The following CFAP299 variants were observed in gnomAD, a reference collection of about 807,000 sequenced individuals.
The protein encoded by CFAP299 is cilia- and flagella-associated protein 299.
CFAP299 carries 21 observed loss-of-function variants against 27.0 expected under a neutral mutation model. The ratio of observed to expected loss-of-function variants is 0.78; its 90% CI spans 0.55 to 1.12. CFAP299 has a LOEUF of 1.12. Among genes scored for constraint, CFAP299 ranks in the 50% most tolerant of loss-of-function variants. The pLI is 0.00. For synonymous variants in CFAP299, 104 were observed against 98.1 expected (o/e 1.06, Z -0.36); for missense variants, 310 against 276.6 (o/e 1.12, Z -0.86).
intron 3 of CFAP299, among the ~76,000 whole-genome samples, chr4:80,585,347 G>T (rs1031548695): frequency 3.9e-5 from 6 of 152,170 alleles, no homozygotes; most frequent in Non-Finnish European, 5.9e-5. Context: ...AATATGTTCA[G>T]ATGTTAAGAA....
At chr4:80,383,455 A>C (rs577287175) in intron 2 of CFAP299, among the ~76,000 whole-genome samples, 1 of 152,296 alleles carries the variant, frequency 6.6e-6, no homozygotes, top group South Asian at 2.1e-4. Flanking sequence ...TGTAACATCT[A>C]AGATTAATTT....
chr4:80,342,189 C>A (rs1722491534), intron 1 of CFAP299, among the ~76,000 whole-genome samples: 1 of 152,142 alleles, frequency 6.6e-6, no homozygotes, highest in Non-Finnish European at 1.5e-5. Context: ...GAACCTACGA[C>A]TGATTGGGGT....
intron 3 of CFAP299, among the ~76,000 whole-genome samples, chr4:80,626,267 A>G (rs1427474234): frequency 2.6e-5 from 4 of 151,948 alleles, no homozygotes; most frequent in Non-Finnish European, 5.9e-5. Flanking sequence ...GCAAATGGAA[A>G]TGCTCTTGAA....
chr4:80,687,950 T>C (rs1720332452), intron 3 of CFAP299, among the ~76,000 whole-genome samples: 2 of 151,940 alleles, frequency 1.3e-5, no homozygotes, highest in African/African-American at 4.8e-5. Context: ...GAAGAAAGGG[T>C]CACTCCCACC....
At chr4:80,447,769 C>T (rs1345214898) in intron 2 of CFAP299, among the ~76,000 whole-genome samples, 1 of 152,114 alleles carries the variant, frequency 6.6e-6, no homozygotes, top group African/African-American at 2.4e-5. Context: ...TGCAGTTTTA[C>T]TAACAGTCTT....
intron 2 of CFAP299, among the ~76,000 whole-genome samples, chr4:80,447,535 C>T (rs1459271868): frequency 4.6e-5 from 7 of 152,112 alleles, no homozygotes; most frequent in South Asian, 2.1e-4. Context: ...TGGATTCAAG[C>T]GGTTCTCCTG....
At chr4:80,844,231 T>C (rs531767461) in intron 3 of CFAP299, among the ~76,000 whole-genome samples, 2 of 152,324 alleles carry the variant, frequency 1.3e-5, no homozygotes, top group Admixed American at 1.3e-4. Context: ...TATGTGTCTT[T>C]ATAGCAGCAT....
intron 3 of CFAP299, among the ~76,000 whole-genome samples, chr4:80,738,288 A>T (rs928456348): frequency 6.6e-6 from 1 of 151,946 alleles, no homozygotes; most frequent in South Asian, 2.1e-4. Context: ...TTCTTTGTTG[A>T]TTTTCTGTCT....
chr4:80,853,116 C>T (rs972512563), intron 3 of CFAP299, among the ~76,000 whole-genome samples: 4 of 152,094 alleles, frequency 2.6e-5, no homozygotes, highest in South Asian at 4.1e-4. Flanking sequence ...CTGCAACCTC[C>T]GCCTCCAGGA....
chr4:80,362,665 G>C, intron 1 of CFAP299, 89 bp from the exon 2 acceptor site: 1 of 1,329,806 alleles, frequency 7.5e-7, no homozygotes, highest in Non-Finnish European at 1.0e-6. Flanking sequence ...CAATTGCTTG[G>C]TATACATTGC....
At position 80,963,535 on chromosome 4, in the gene CFAP299, T is replaced by C; in HGVS notation, c.625T>C (p.Ser209Pro). 2 of 1,602,444 alleles carry C rather than the reference T, an allele frequency of 1.2e-6. No individual in the cohort carries two copies. The highest frequency in any genetic ancestry group is 1.7e-6 in the Non-Finnish European group (2 of 1,174,590). Residue 209 changes from serine to proline, a missense_variant, in exon 6 of 6, where the codon TCT becomes CCT. Ser to Pro is a moderately conservative substitution (Grantham distance 74, BLOSUM62 -1). Coordinates refer to ENST00000358105, the MANE Select transcript of CFAP299 (RefSeq NM_152770.3). ...ATTTTAGGCGCAGCCAGGTGACAAC[T>C]CTACTAGAATCACTATCCTGACAGA... Reference protein sequence around the residue: ...VDPKAQPGDNSTRITILTELY... With the variant: ...VDPKAQPGDNPTRITILTELY...
chr4:80,848,470 T>C (rs973925650), intron 3 of CFAP299, among the ~76,000 whole-genome samples: 1 of 152,108 alleles, frequency 6.6e-6, no homozygotes, highest in African/African-American at 2.4e-5. Flanking sequence ...TGTAACACAG[T>C]GGTAAGTATT....
chr4:80,608,054 A>G (rs1737768997), intron 3 of CFAP299, among the ~76,000 whole-genome samples: 1 of 152,050 alleles, frequency 6.6e-6, no homozygotes. Flanking sequence ...TTCTTTTTCA[A>G]TTTTACTACT....
chr4:80,628,991 C>T (rs910332517), intron 3 of CFAP299, among the ~76,000 whole-genome samples: 10 of 152,074 alleles, frequency 6.6e-5, no homozygotes, highest in African/African-American at 2.4e-4. Flanking sequence ...GAAATGAAAT[C>T]AGTATGTTGA....
chr4:80,503,965 G>A (rs1731867439), intron 2 of CFAP299, among the ~76,000 whole-genome samples: 1 of 152,098 alleles, frequency 6.6e-6, no homozygotes, highest in Non-Finnish European at 1.5e-5. Context: ...AGGAGGTAGA[G>A]ATGAATTTAT....
intron 2 of CFAP299, among the ~76,000 whole-genome samples, chr4:80,428,990 A>G (rs1304679539): frequency 6.6e-6 from 1 of 152,220 alleles, no homozygotes; most frequent in East Asian, 1.9e-4. Context: ...AGATTTTTAG[A>G]AAGAGCATGA....
intron 4 of CFAP299, among the ~76,000 whole-genome samples, chr4:80,876,785 C>T (rs1733401769): frequency 6.6e-6 from 1 of 152,088 alleles, no homozygotes; most frequent in South Asian, 2.1e-4. Flanking sequence ...GACCTCAAAT[C>T]CATATCCCAA....
intron 3 of CFAP299, among the ~76,000 whole-genome samples, chr4:80,681,196 T>C (rs1184864426): frequency 6.6e-6 from 1 of 152,162 alleles, no homozygotes; most frequent in Non-Finnish European, 1.5e-5. Context: ...ACTGTTATTG[T>C]TTTGAAAAAT....
At chr4:80,406,548 T>C (rs528324713) in intron 2 of CFAP299, among the ~76,000 whole-genome samples, 1 of 152,230 alleles carries the variant, frequency 6.6e-6, no homozygotes, top group South Asian at 2.1e-4. Flanking sequence ...TTACTTTTTT[T>C]AGAGATGAGG....
Sources: gnomAD v4.1 joint callset for allele counts (sites outside exome capture counted in the v4.1 genomes callset) on GRCh38, gnomAD v4.1.1 for gene constraint, MANE v1.5 for transcripts, NCBI Gene and HGNC (gene_info 2026-07-23, HGNC 2026-07-21) for gene names.